FBF1: variants seen among roughly 807,000 people sequenced by gnomAD.
FBF1 encodes fas-binding factor 1.
Under a neutral mutation model 147.2 loss-of-function variants are expected in FBF1, and 119 were observed. The observed-to-expected ratio is 0.81, with a 90% confidence interval of 0.70 to 0.94. FBF1 has a LOEUF of 0.94. Among genes scored for constraint, FBF1 ranks in the 40% least tolerant of loss-of-function variants. The probability of loss-of-function intolerance (pLI) is 0.00; values close to 1 mark genes in which losing one functional copy is unlikely to be tolerated. For synonymous variants in FBF1, 601 were observed against 609.0 expected, an observed-to-expected ratio of 0.99 and a Z score of 0.19; for missense variants, 1,449 against 1,500.8, an observed-to-expected ratio of 0.97 and a Z score of 0.57.
intron 2 of FBF1, 137 bp downstream of exon 2, chr17:75,938,010 C>T (rs2065635584): frequency 2.3e-6 from 3 of 1,320,712 alleles, no homozygotes; most frequent in South Asian, 2.5e-5. Flanking sequence ...ATGCCACCTC[C>T]TGTCACTCTT....
intron 25 of FBF1, chr17:75,914,523 A>G: frequency 1.2e-6 from 1 of 859,616 alleles, no homozygotes; most frequent in Non-Finnish European, 1.7e-6. Flanking sequence ...TCATTTCTAA[A>G]TGACCAAAGT....
chr17:75,912,459 G>A (rs2065462001), intron 28 of FBF1, among the ~76,000 whole-genome samples, 152 bp from the exon 29 acceptor site: 1 of 152,212 alleles, frequency 6.6e-6, no homozygotes, highest in African/African-American at 2.4e-5. Flanking sequence ...GAAGCCTCTG[G>A]CAAATGCATA....
At chr17:75,916,326 AT>A (rs5822112) in intron 23 of FBF1, among the ~76,000 whole-genome samples, 5 of 145,622 alleles carry the variant, frequency 3.4e-5, no homozygotes, top group African/African-American at 1.0e-4. Context: ...TCTAAAAAAA[AT>A]TTTTTTTTTT....
intron 23 of FBF1, 25 bp from the exon 24 acceptor site, chr17:75,915,164 G>C: frequency 6.3e-7 from 1 of 1,599,674 alleles, no homozygotes; most frequent in Non-Finnish European, 8.5e-7. Context: ...GCAGGACTGA[G>C]AGCGTGGTTC....
At chr17:75,937,496 A>T in intron 3 of FBF1, 70 bp downstream of exon 3, 1 of 1,572,524 alleles carries the variant, frequency 6.4e-7, no homozygotes, top group Non-Finnish European at 8.7e-7. Context: ...AACACATCTC[A>T]TTGTTCCAGG....
In FBF1 at chr17:75,927,409, C is replaced by A. The variant is rs375996154; in HGVS notation, c.475+46G>T. ...CAGCAAGCATGCCTAGGCTGCTCCA[C>A]TCCCAAACCAGAGTGTCCCAGAGGC... On this transcript the variant is annotated intron_variant, in intron 9 of 29. Transcript: ENST00000636174. The A allele has an allele frequency of 7.4e-5, 114 of 1,532,756 alleles. No individual in the cohort carries two copies. The African/African-American group carries it at 1.3e-3, about 18-fold the overall frequency. The allele number at this position is 1,532,756 out of a possible 1,614,324, so 94.9% of individuals were successfully genotyped here.
At position 75,919,360 on chromosome 17, in the gene FBF1, C is replaced by T. The variant is rs1307618596; in HGVS notation, c.2138+308G>A. On this transcript the variant is annotated intron_variant, in intron 20 of 29. Coordinates refer to ENST00000636174, the MANE Select transcript of FBF1 (RefSeq NM_001319193.2). The surrounding 1 kb of genome is among the most constrained non-coding windows in gnomAD (Gnocchi z 5.0). The stretch of plus-strand genomic sequence containing the variant: ...CCCAGGTGGATCTTGTTTCTAGCCT[C>T]TACTGCATGAGCAGGCGAGTGGATG... Among the ~76,000 whole-genome samples the T allele has an allele frequency of 1.3e-5, 2 of 152,246 alleles. No homozygotes were observed. Among genetic ancestry groups the T allele is most frequent in the African/African-American group, 4.8e-5 (2 of 41,460 alleles).
intron 13 of FBF1, among the ~76,000 whole-genome samples, chr17:75,924,871 A>T (rs2065550232): frequency 6.7e-6 from 1 of 149,108 alleles, no homozygotes; most frequent in Non-Finnish European, 1.5e-5. Flanking sequence ...CACTGATTTA[A>T]TTTTTTTTTT....
At position 75,920,042 on chromosome 17, in the gene FBF1, G is replaced by A. The variant is rs1567859615; in HGVS notation, c.1896C>T (p.His632=). Residue 632 remains histidine, a synonymous_variant, in exon 19 of 30, where the codon CAC becomes CAT. Transcript: ENST00000636174. ...TCTCGATGAGCTCCAGGTCTGCCTG[G>A]TGCTGCTGCTGCAGACTCCCCAGCA... ...ELLLGSLQQQ[H]QADLELIESA... 1 of 1,602,746 alleles carries A rather than the reference G, an allele frequency of 6.2e-7. No homozygotes were observed. Among genetic ancestry groups the A allele is most frequent in the East Asian group, 2.3e-5 (1 of 44,254 alleles).
intron 17 of FBF1, among the ~76,000 whole-genome samples, chr17:75,920,767 T>C (rs574089515): frequency 2.0e-5 from 3 of 151,806 alleles, no homozygotes; most frequent in Non-Finnish European, 4.4e-5. Context: ...GAAGCCCACA[T>C]GTTGACACTA....
In FBF1 at chr17:75,914,198, C is replaced by T. The variant is rs553617516; in HGVS notation, c.2915G>A (p.Arg972Gln). The change falls in exon 26 of 30, where the codon CGG becomes CAG. Residue 972 changes from arginine to glutamine, a missense_variant. Physicochemically the swap from Arg to Gln is conservative, Grantham distance 43. Transcript: ENST00000636174. ...GGCGTTGATCCTCTCCTTCTCCAGC[C>T]GCAGCTCCTGCCGCTCCTGCTCCAG... ...AALEQERQEL[R>Q]LEKERINATA... is the part of the protein sequence containing the mutation. 3.4e-5 allele frequency: 54 copies of T among 1,594,506 alleles called. No individual in the cohort carries two copies. In the South Asian group the frequency reaches 5.0e-4, roughly 15 times the overall value.
Position 75,917,796 on chromosome 17 carries a change from C to A in FBF1, c.2441G>T (p.Arg814Leu). 6.2e-7 allele frequency: 1 copy of A among 1,610,438 alleles called. No individual in the cohort carries two copies. The highest frequency in any genetic ancestry group is 8.5e-7 in the Non-Finnish European group (1 of 1,179,154). The stretch of plus-strand genomic sequence containing the variant: ...CATCTTCCCGATGACCTCCTGTTGC[C>A]GGCTCCGCTCCTCCTCCATGTCCCG... ...QQRDMEEERS[R>L]QQEVIGKMEA... The change falls in exon 23 of 30, where the codon CGG (arginine) becomes CTG (leucine). Residue 814 changes from arginine (R) to leucine (L), a missense_variant. Transcript: ENST00000636174.
chr17:75,924,427 C>T (rs2065547896), intron 13 of FBF1, among the ~76,000 whole-genome samples: 1 of 152,206 alleles, frequency 6.6e-6, no homozygotes, highest in Admixed American at 6.5e-5. Flanking sequence ...GGAACAACTG[C>T]TGAACCTGGG....
At chr17:75,930,882 C>T (rs145249611) in intron 6 of FBF1, among the ~76,000 whole-genome samples, 14 of 152,258 alleles carry the variant, frequency 9.2e-5, no homozygotes, top group Non-Finnish European at 1.6e-4. Flanking sequence ...GATCGCACTA[C>T]TGCATTCCAG....
chr17:75,931,736 T>C (rs919441801), intron 5 of FBF1, among the ~76,000 whole-genome samples: 1 of 151,792 alleles, frequency 6.6e-6, no homozygotes, highest in Non-Finnish European at 1.5e-5. Flanking sequence ...TGAGCTGACA[T>C]TGCGCCACTG....
At chr17:75,916,244 C>G (rs1304422286) in intron 23 of FBF1, among the ~76,000 whole-genome samples, 1 of 151,862 alleles carries the variant, frequency 6.6e-6, no homozygotes, top group African/African-American at 2.4e-5. Flanking sequence ...TGCTTGAGCC[C>G]AGGAGGTTCA....
At chr17:75,913,144 CTT>C (rs869041751) in intron 28 of FBF1, among the ~76,000 whole-genome samples, 82 of 124,014 alleles carry the variant, frequency 6.6e-4, no homozygotes, top group Admixed American at 9.0e-4. Context: ...TTGAGGGTGA[CTT>C]TTTTTTTTTT....
chr17:75,910,803 G>A lies in FBF1; in HGVS notation c.3367C>T (p.Arg1123Cys), dbSNP rs962315475. ...AACTGTTCATTCTCCAAGAAGTCAC[G>A]GTCCTGCAAGGCAGGTTTGGATGGG... is the stretch of plus-strand genomic sequence containing the variant. ...ALLRHMAEQDRDFLENEQFFL... is the reference protein window; with the variant it reads ...ALLRHMAEQDCDFLENEQFFL... Residue 1123 changes from arginine (R) to cysteine (C), a missense_variant, in exon 30 of 30, where the codon CGT (arginine) becomes TGT (cysteine). Arg to Cys is a radical substitution (Grantham distance 180). Transcript: ENST00000636174. The surrounding 1 kb of genome is among the most constrained non-coding windows in gnomAD (Gnocchi z 4.1). 10 of 1,607,718 alleles carry A rather than the reference G, an allele frequency of 6.2e-6. No individual in the cohort carries two copies. The highest frequency in any genetic ancestry group is 8.5e-6 in the Non-Finnish European group (10 of 1,177,244).
intron 2 of FBF1, 162 bp downstream of exon 2, chr17:75,937,985 G>A (rs759475881): frequency 3.7e-5 from 40 of 1,095,548 alleles, no homozygotes; most frequent in Admixed American, 1.1e-4. Context: ...CTTGGTCGTC[G>A]AAAGTTTGGT....
Sources: allele counts gnomAD v4.1 joint callset (sites outside exome capture counted in the v4.1 genomes callset), GRCh38; gene constraint gnomAD v4.1.1; non-coding constraint Gnocchi (gnomAD v3.1); transcripts MANE v1.5; gene names NCBI Gene and HGNC (gene_info 2026-07-23, HGNC 2026-07-21).